The following KCNK16 variants were observed in gnomAD, a reference collection of about 807,000 sequenced individuals.
The protein encoded by KCNK16 is potassium two pore domain channel subfamily K member 16.
KCNK16 carries 23 observed loss-of-function variants against 23.0 expected under a neutral mutation model. The ratio of observed to expected loss-of-function variants is 1.00; its 90% confidence interval spans 0.72 to 1.41. The LOEUF (loss-of-function observed/expected upper bound fraction) is 1.41. KCNK16 is among the 40% of genes most tolerant of loss of function. KCNK16 has a pLI of 0.00. For synonymous variants in KCNK16, 145 were observed against 153.5 expected (o/e 0.94, Z 0.41); for missense variants, 327 against 365.8 (o/e 0.89, Z 0.87).
At chr6:39,316,048 T>C, downstream of KCNK16, 1 of 983,446 alleles carries the variant, frequency 1.0e-6, no homozygotes, top group Non-Finnish European at 1.4e-6. Flanking sequence ...CTCCTCTCTG[T>C]TACTTTCTTG....
chr6:39,316,584 G>T, intron 4 of KCNK16, 142 bp from the exon 5 acceptor site: 1 of 1,206,844 alleles, frequency 8.3e-7, no homozygotes, highest in Non-Finnish European at 1.2e-6. Flanking sequence ...TCTCTGCAGG[G>T]TGGTGATGGG....
intron 4 of KCNK16, 110 bp from the exon 5 acceptor site, chr6:39,316,552 AAGGAAC>A: frequency 7.4e-7 from 1 of 1,358,824 alleles, no homozygotes; most frequent in Non-Finnish European, 1.0e-6. Context: ...TCCTCATAAC[AAGGAAC>A]AGCAGTTGAG....
At chr6:39,317,440 G>T (rs1762358676) in intron 3 of KCNK16, among the ~76,000 whole-genome samples, 1 of 152,146 alleles carries the variant, frequency 6.6e-6, no homozygotes, top group African/African-American at 2.4e-5. Context: ...GCTCCTTCAG[G>T]GTGTTCAGCT....
rs2113848755 is a variant in KCNK16, at chr6:39,316,324, T to A, written c.780A>T (p.Arg260Ser). Residue 260 changes from arginine to serine, a missense_variant, in exon 5 of 5, where the codon AGA becomes AGT. By Grantham distance (110) the Arg-to-Ser change is moderately radical. Coordinates refer to ENST00000437525, the MANE Select transcript of KCNK16 (RefSeq NM_001135106.2). Reference sequence around the variant, plus strand: ...TACTGAGCAGCCAGAGCTGGCAGCATCTGTGCAGAAGCAGGGGGCCCAGTG... The same window carrying A: ...TACTGAGCAGCCAGAGCTGGCAGCAACTGTGCAGAAGCAGGGGGCCCAGTG... ...ILPLGPLLLH[R>S]CCQLWLLSRG... The A allele has an allele frequency of 6.2e-7, 1 of 1,610,654 alleles. No individual in the cohort carries two copies. The highest frequency in any genetic ancestry group is 8.5e-7 in the Non-Finnish European group (1 of 1,178,940).
chr6:39,319,781 T>G lies in KCNK16; in HGVS notation c.214-648A>C, dbSNP rs73731787. Among the ~76,000 whole-genome samples, 1,295 of 143,956 alleles carry G rather than the reference T, an allele frequency of 9.0e-3. 17 individuals carry two copies. Among genetic ancestry groups the G allele is most frequent in the African/African-American group, 0.028 (1,111 of 39,698 alleles). 94.4% of individuals were successfully genotyped at this position (143,956 alleles called of 152,430 possible). On this transcript the variant is annotated intron_variant, in intron 1 of 4. Coordinates refer to ENST00000437525, the MANE Select transcript of KCNK16 (RefSeq NM_001135106.2). This position sits in a 1 kb window ranked among gnomAD's most constrained non-coding sequence, Gnocchi z 4.2. ...TGTGTGTGTGTGTGTGTGTGGTGGT[T>G]GTTTATATGTGATGTGTTGTATGCA...
In KCNK16 at chr6:39,316,940, T is replaced by G; in HGVS notation, c.503A>C (p.Gln168Pro). ...EDRPRRSQVL[Q>P]VLGLALFLTL... is the part of the protein sequence containing the mutation. Reference sequence around the variant, plus strand: ...CAGGAACAGAGCCAGGCCCAGGACTTGCAGTACCTAGGAGGGAGGGAGTTG... The same window carrying G: ...CAGGAACAGAGCCAGGCCCAGGACTGGCAGTACCTAGGAGGGAGGGAGTTG... The change falls in exon 4 of 5, where the codon CAA (glutamine) becomes CCA (proline). Residue 168 changes from glutamine to proline, a missense_variant. Transcript: ENST00000437525. The G allele has an allele frequency of 6.2e-7, 1 of 1,612,776 alleles. No individual in the cohort carries two copies. Among genetic ancestry groups the G allele is most frequent in the Non-Finnish European group, 8.5e-7 (1 of 1,179,746 alleles).
rs1204995041 is a variant in KCNK16 at position 39,316,442 on chromosome 6, C to G, written c.662G>C (p.Gly221Ala). 1.3e-6 allele frequency: 2 copies of G among 1,594,672 alleles called. No homozygotes were observed. Among genetic ancestry groups the G allele is most frequent in the East Asian group, 2.3e-5 (1 of 44,360 alleles). Residue 221 changes from glycine to alanine, a missense_variant and splice_region_variant, in exon 5 of 5, where the codon GGC (glycine) becomes GCC (alanine). Transcript: ENST00000437525. ...STIGFGDYVV[G>A]TDPSKHYISV... The stretch of plus-strand genomic sequence containing the variant: ...GATATAATGCTTGCTGGGGTCTGTG[C>G]CTGCCAGGGAAGGGAATGGCATCAA...
At chr6:39,322,177 A>G (rs1562092486) in intron 1 of KCNK16, 151 bp downstream of exon 1, 1 of 1,339,212 alleles carries the variant, frequency 7.5e-7, no homozygotes, top group Non-Finnish European at 9.9e-7. Flanking sequence ...AGAATCCAGG[A>G]TTAGATCTCA....
At chr6:39,317,127 G>A (rs990581642) in intron 3 of KCNK16, among the ~76,000 whole-genome samples, 180 bp from the exon 4 acceptor site, 7 of 152,220 alleles carry the variant, frequency 4.6e-5, no homozygotes, top group African/African-American at 1.2e-4. Flanking sequence ...CCCACCCAGG[G>A]AAAGATTTCG....
At position 39,317,786 on chromosome 6, in the gene KCNK16, C is replaced by T; in HGVS notation, c.495G>A (p.Gln165=). The T allele has an allele frequency of 6.3e-7, 1 of 1,587,286 alleles. No individual in the cohort carries two copies. The highest frequency in any genetic ancestry group is 8.6e-7 in the Non-Finnish European group (1 of 1,166,860). The change falls in exon 3 of 5, where the codon CAG becomes CAA. Residue 165 remains glutamine, a splice_region_variant and synonymous_variant. Coordinates refer to ENST00000437525, the MANE Select transcript of KCNK16 (RefSeq NM_001135106.2). ...ERWEDRPRRS[Q]VLQVLGLALF... Reference sequence around the variant, plus strand: ...CCTGTAAGGGAGTTAGGGGGCATACCTGGGAGCGCCTGGGACGGTCCTCCC... The same window carrying T: ...CCTGTAAGGGAGTTAGGGGGCATACTTGGGAGCGCCTGGGACGGTCCTCCC...
At chr6:39,318,922 C>T (rs1260067381) in intron 2 of KCNK16, 97 bp downstream of exon 2, 3 of 795,082 alleles carry the variant, frequency 3.8e-6, no homozygotes, top group Admixed American at 2.0e-5. Context: ...TGAATAATCT[C>T]CTAGACAAAC....
At chr6:39,315,381 G>C, downstream of KCNK16, 2 of 1,551,518 alleles carry the variant, frequency 1.3e-6, no homozygotes, top group East Asian at 2.4e-5. Flanking sequence ...GTTTGGAAAG[G>C]CTCTTGAGAA....
intron 3 of KCNK16, 130 bp from the exon 4 acceptor site, chr6:39,317,077 C>T: frequency 1.1e-6 from 1 of 899,988 alleles, no homozygotes; most frequent in East Asian, 2.6e-5. Context: ...CACTGCAGAC[C>T]CTCGAGGTGG....
rs750418777 is a variant in KCNK16 at position 39,322,489 on chromosome 6, G to A, written c.52C>T (p.Leu18=). ...SCWGGRVLPL[L]LAYVCYLLLG... Reference sequence around the variant, plus strand: ...AGCAGGTAGCAGACATAGGCCAGCAGCAGGGGCAGCACCCGGCCACCCCAG... The same window carrying A: ...AGCAGGTAGCAGACATAGGCCAGCAACAGGGGCAGCACCCGGCCACCCCAG... The change falls in exon 1 of 5, where the codon CTG becomes TTG. Residue 18 remains leucine (L), a synonymous_variant. Coordinates refer to ENST00000437525, the MANE Select transcript of KCNK16 (RefSeq NM_001135106.2). The A allele has an allele frequency of 6.2e-7, 1 of 1,612,930 alleles. No homozygotes were observed. The highest frequency in any genetic ancestry group is 1.7e-5 in the Admixed American group (1 of 59,950).
chr6:39,322,571 G>T lies in KCNK16; in HGVS notation c.-31C>A. 1.3e-6 allele frequency: 2 copies of T among 1,553,096 alleles called. No homozygotes were observed. Among genetic ancestry groups the T allele is most frequent in the Non-Finnish European group, 1.7e-6 (2 of 1,154,152 alleles). ...GGCCAGGACCCTGCCAGGGCCGTGG[G>T]GCTGGCTATGGGGGAGAGGTGGGAA... On this transcript the variant is annotated 5_prime_UTR_variant, in exon 1 of 5. Transcript: ENST00000437525.
intron 1 of KCNK16, among the ~76,000 whole-genome samples, chr6:39,320,871 C>T (rs1762489493): frequency 1.3e-5 from 2 of 152,188 alleles, no homozygotes; most frequent in Admixed American, 6.5e-5. Context: ...TCTCCAGGGC[C>T]TCTGCCTTAC....
At chr6:39,318,706 C>T (rs1011192318) in intron 2 of KCNK16, among the ~76,000 whole-genome samples, 2 of 152,162 alleles carry the variant, frequency 1.3e-5, no homozygotes, top group Non-Finnish European at 2.9e-5. Context: ...CAGCTCTCAA[C>T]CTTTGAGGGC....
chr6:39,322,694 G>T lies in KCNK16; in HGVS notation c.-154C>A. 1 of 1,224,808 alleles carries T rather than the reference G, an allele frequency of 8.2e-7. No homozygotes were observed. The highest frequency in any genetic ancestry group is 1.1e-6 in the Non-Finnish European group (1 of 906,614). The allele number at this position is 1,224,808 out of a possible 1,614,324, so 75.9% of individuals were successfully genotyped here. ...TGTCTGGAGGCTGGGGAGACTGTTT[G>T]AACAGTGCGGCTCAGCTTGGCTGCA... is the stretch of plus-strand genomic sequence containing the variant. On this transcript the variant is annotated 5_prime_UTR_variant, in exon 1 of 5. Coordinates refer to ENST00000437525, the MANE Select transcript of KCNK16 (RefSeq NM_001135106.2).
chr6:39,317,008 G>C, intron 3 of KCNK16, 61 bp from the exon 4 acceptor site: 1 of 1,525,442 alleles, frequency 6.6e-7, no homozygotes, highest in Non-Finnish European at 8.8e-7. Context: ...GTATGAGGTT[G>C]GGGGGAGTCT....
Sources: allele counts gnomAD v4.1 joint callset (sites outside exome capture counted in the v4.1 genomes callset), GRCh38; gene constraint gnomAD v4.1.1; non-coding constraint Gnocchi (gnomAD v3.1); transcripts MANE v1.5; gene names NCBI Gene and HGNC (gene_info 2026-07-23, HGNC 2026-07-21).